WBP1L: variants seen among roughly 807,000 people sequenced by gnomAD.
WBP1L encodes the protein WW domain binding protein 1-like.
A neutral mutation model predicts 33.7 loss-of-function variants in WBP1L; 17 were observed. That is an observed-to-expected ratio of 0.50 (90% CI 0.34 to 0.76). The LOEUF (loss-of-function observed/expected upper bound fraction) is 0.76. Ranked by LOEUF, WBP1L falls within the 30% of genes least tolerant of loss-of-function variation. The probability of loss-of-function intolerance (pLI) is 0.01; values close to 1 mark genes in which losing one functional copy is unlikely to be tolerated. For missense variants in WBP1L, 389 were observed against 469.4 expected (o/e 0.83, Z 1.58); for synonymous variants, 173 against 190.8 (o/e 0.91, Z 0.77).
intron 1 of WBP1L, among the ~76,000 whole-genome samples, chr10:102,773,873 AAAAGG>A (rs901969498): frequency 1.3e-4 from 20 of 151,360 alleles, no homozygotes; most frequent in African/African-American, 4.7e-4. Flanking sequence ...ACAAAAAAAA[AAAAGG>A]AAGGAAGAAA....
chr10:102,812,519 A>G (rs284861), intron 3 of WBP1L, 76 bp from the exon 4 acceptor site: 1,258,639 of 1,466,900 alleles, frequency 0.86, 543,494 homozygotes, highest in Non-Finnish European at 0.88. Context: ...CAATGCAAAT[A>G]TTCAGTGGGA....
intron 1 of WBP1L, chr10:102,776,426 T>C: frequency 6.2e-7 from 1 of 1,614,206 alleles, no homozygotes; most frequent in Non-Finnish European, 8.5e-7. Context: ...AGGTAATTGT[T>C]TCTGCACGGA....
At chr10:102,810,484 T>C (rs1843817843) in intron 3 of WBP1L, among the ~76,000 whole-genome samples, 1 of 36,948 alleles carries the variant, frequency 2.7e-5, no homozygotes, top group Non-Finnish European at 7.1e-5. Flanking sequence ...CCTCCTTCCT[T>C]CCTTCCCTCC....
chr10:102,768,487 C>T lies in WBP1L; in HGVS notation c.90+24344C>T, dbSNP rs1414373436. Among the ~76,000 whole-genome samples, 2 of 49,692 alleles carry T rather than the reference C, an allele frequency of 4.0e-5. 1 individual carries two copies. Among genetic ancestry groups the T allele is most frequent in the Non-Finnish European group, 7.3e-5 (2 of 27,282 alleles). 32.6% of individuals were successfully genotyped at this position (49,692 alleles called of 152,430 possible). On this transcript the variant is annotated intron_variant, in intron 1 of 3. Coordinates refer to ENST00000448841, the MANE Select transcript of WBP1L (RefSeq NM_001083913.2). ...TGCAAGCTCCGCTTCCCGGGTTCAACGCCATTCTCCTGCCTCAGCCTCCCC... is the reference window on the plus strand; with the variant it reads ...TGCAAGCTCCGCTTCCCGGGTTCAATGCCATTCTCCTGCCTCAGCCTCCCC...
chr10:102,778,838 C>T (rs1038869069), intron 1 of WBP1L, among the ~76,000 whole-genome samples: 1 of 152,110 alleles, frequency 6.6e-6, no homozygotes, highest in South Asian at 2.1e-4. Context: ...TATGTATGCA[C>T]TTTGATTTAT....
intron 2 of WBP1L, among the ~76,000 whole-genome samples, chr10:102,806,719 G>A (rs1843742015): frequency 6.6e-6 from 1 of 152,188 alleles, no homozygotes. Flanking sequence ...TGGTTGAACA[G>A]CGATACCCAC....
At chr10:102,748,149 G>A (rs1175000526) in intron 1 of WBP1L, among the ~76,000 whole-genome samples, 1 of 151,950 alleles carries the variant, frequency 6.6e-6, no homozygotes, top group East Asian at 1.9e-4. Context: ...CCAGCTACTC[G>A]GGAGGCTGAG....
chr10:102,792,406 AGAT>A (rs1689915975), intron 1 of WBP1L, among the ~76,000 whole-genome samples: 1 of 152,210 alleles, frequency 6.6e-6, no homozygotes, highest in South Asian at 2.1e-4. Flanking sequence ...ATTGCCAGGA[AGAT>A]GATATCTTTA....
At chr10:102,745,835 T>C (rs1183028741) in intron 1 of WBP1L, among the ~76,000 whole-genome samples, 1 of 152,210 alleles carries the variant, frequency 6.6e-6, no homozygotes, top group African/African-American at 2.4e-5. Context: ...GTTGGGGTTG[T>C]TTTTCCAGTG....
intron 2 of WBP1L, among the ~76,000 whole-genome samples, chr10:102,804,424 A>ATTTT (rs748529817): frequency 1.4e-5 from 2 of 139,926 alleles, no homozygotes; most frequent in Admixed American, 7.1e-5. Context: ...TTTTTTAAAA[A>ATTTT]AAAAATTATA....
At chr10:102,777,392 A>G (rs630185) in intron 1 of WBP1L, among the ~76,000 whole-genome samples, 78,635 of 151,574 alleles carry the variant, frequency 0.52, 21,804 homozygotes, top group Non-Finnish European at 0.62. Flanking sequence ...TGCTAGGTGG[A>G]CAACTCTCCC....
At chr10:102,811,921 C>T (rs1317027540) in intron 3 of WBP1L, among the ~76,000 whole-genome samples, 1 of 152,210 alleles carries the variant, frequency 6.6e-6, no homozygotes, top group Non-Finnish European at 1.5e-5. Context: ...TTATCTGTGT[C>T]ATAAGGCATT....
intron 1 of WBP1L, among the ~76,000 whole-genome samples, chr10:102,770,979 G>A (rs1298295657): frequency 6.6e-6 from 1 of 152,186 alleles, no homozygotes; most frequent in Non-Finnish European, 1.5e-5. Context: ...GTGACCTTGG[G>A]CAAGTTACAT....
At chr10:102,752,757 T>A (rs1176227587) in intron 1 of WBP1L, among the ~76,000 whole-genome samples, 1 of 152,186 alleles carries the variant, frequency 6.6e-6, no homozygotes, top group African/African-American at 2.4e-5. Context: ...GAATGTTGGT[T>A]TGCTCTCACG....
chr10:102,771,042 A>G (rs1199576706), intron 1 of WBP1L, among the ~76,000 whole-genome samples: 2 of 152,212 alleles, frequency 1.3e-5, no homozygotes, highest in African/African-American at 2.4e-5. Flanking sequence ...GGTAATAGCC[A>G]CATCATAGGG....
At chr10:102,785,696 A>T (rs1843405954) in intron 1 of WBP1L, among the ~76,000 whole-genome samples, 1 of 152,182 alleles carries the variant, frequency 6.6e-6, no homozygotes, top group Non-Finnish European at 1.5e-5. Flanking sequence ...GCTCTGCCTG[A>T]GTGCCACCTG....
chr10:102,759,549 A>T (rs1294342511), intron 1 of WBP1L, among the ~76,000 whole-genome samples: 2 of 152,162 alleles, frequency 1.3e-5, no homozygotes, highest in Non-Finnish European at 2.9e-5. Context: ...ACTCCATTTT[A>T]TAGATATACT....
intron 1 of WBP1L, among the ~76,000 whole-genome samples, chr10:102,754,794 T>G (rs1306624056): frequency 6.6e-6 from 1 of 151,990 alleles, no homozygotes; most frequent in East Asian, 1.9e-4. Flanking sequence ...AGCTTCGAAC[T>G]CCTGGGCTAA....
intron 2 of WBP1L, among the ~76,000 whole-genome samples, chr10:102,807,935 G>A (rs1388256686): frequency 2.0e-5 from 3 of 151,780 alleles, no homozygotes; most frequent in Admixed American, 6.6e-5. Context: ...GGCCGGGCGC[G>A]GTGGCTCACA....
Sources: allele counts gnomAD v4.1 joint callset (sites outside exome capture counted in the v4.1 genomes callset), GRCh38; gene constraint gnomAD v4.1.1; transcripts MANE v1.5; gene names NCBI Gene and HGNC (gene_info 2026-07-23, HGNC 2026-07-21).